The following PLG variants were observed in gnomAD, a reference collection of about 807,000 sequenced individuals.
PLG encodes the protein plasminogen, also known as plasmin.
In PLG, 41 loss-of-function variants were observed where a neutral mutation model predicts 104.4. The observed-to-expected ratio is 0.39, with a 90% CI of 0.31 to 0.51. The LOEUF (loss-of-function observed/expected upper bound fraction) is 0.51, where lower values mean the gene tolerates loss of function less well. PLG is among the 20% of genes least tolerant of loss of function. PLG has a pLI of 0.76. For missense variants in PLG, 891 were observed against 1,003.6 expected (o/e 0.89, Z 1.52); for synonymous variants, 337 against 357.1 (o/e 0.94, Z 0.63).
Position 160,731,011 on chromosome 6 carries a change from C to T in PLG, c.1257-40C>T. ...AGGGTGCTGGGTGCCCCTGAATATTCTCCCACCTCTTGTGACCTGTATTGT... is the reference window on the plus strand; with the variant it reads ...AGGGTGCTGGGTGCCCCTGAATATTTTCCCACCTCTTGTGACCTGTATTGT... On this transcript the variant is annotated intron_variant, in intron 10 of 18. Transcript: ENST00000308192. This position sits in a 1 kb window ranked among gnomAD's most constrained non-coding sequence, Gnocchi z 5.1. 1 of 1,600,782 alleles carries T rather than the reference C, an allele frequency of 6.2e-7. No individual in the cohort carries two copies.
At position 160,737,183 on chromosome 6, in the gene PLG, G is replaced by A. The variant is rs1778099277; in HGVS notation, c.1802+176G>A. Among the ~76,000 whole-genome samples, 1 of 152,000 alleles carries A rather than the reference G, an allele frequency of 6.6e-6. No individual in the cohort carries two copies. Among genetic ancestry groups the A allele is most frequent in the Admixed American group, 6.6e-5 (1 of 15,262 alleles). ...GTATATATACATATATATTTTTATAGGTTCTCTACTGTGAAAATGACAAAA... is the reference window on the plus strand; with the variant it reads ...GTATATATACATATATATTTTTATAAGTTCTCTACTGTGAAAATGACAAAA... On this transcript the variant is annotated intron_variant, in intron 14 of 18. Transcript: ENST00000308192. This position sits in a 1 kb window ranked among gnomAD's most constrained non-coding sequence, Gnocchi z 4.7.
intron 1 of PLG, chr6:160,705,246 AC>A (rs1358162708): frequency 7.1e-6 from 1 of 140,240 alleles, no homozygotes; most frequent in Non-Finnish European, 1.6e-5. Flanking sequence ...GAATAGAGCT[AC>A]CAAAGCTCAG....
chr6:160,751,194 A>G (rs1408823268), intron 17 of PLG, among the ~76,000 whole-genome samples: 2 of 152,220 alleles, frequency 1.3e-5, no homozygotes, highest in Non-Finnish European at 2.9e-5. Flanking sequence ...ATTTATGGGA[A>G]CTTAGACTCA....
At position 160,741,068 on chromosome 6, in the gene PLG, G is replaced by A. The variant is rs1039834177; in HGVS notation, c.2019-243G>A. Among the ~76,000 whole-genome samples, 4 of 152,212 alleles carry A rather than the reference G, an allele frequency of 2.6e-5. No individual in the cohort carries two copies. The highest frequency in any genetic ancestry group is 9.6e-5 in the African/African-American group (4 of 41,452). ...TGTCATCCCTACTTTCAAAGGTGAAGGCCACCAGCAGTATCTTGCATGCAA... is the reference window on the plus strand; with the variant it reads ...TGTCATCCCTACTTTCAAAGGTGAAAGCCACCAGCAGTATCTTGCATGCAA... On this transcript the variant is annotated intron_variant, in intron 16 of 18. Coordinates refer to ENST00000308192, the MANE Select transcript of PLG (RefSeq NM_000301.5). This position sits in a 1 kb window ranked among gnomAD's most constrained non-coding sequence, Gnocchi z 4.7.
intron 10 of PLG, among the ~76,000 whole-genome samples, chr6:160,729,572 C>T (rs936180280): frequency 2.6e-5 from 4 of 152,154 alleles, no homozygotes; most frequent in African/African-American, 4.8e-5. Flanking sequence ...GTGACTGATC[C>T]TCTCAAATAG....
chr6:160,731,416 C>T lies in PLG; in HGVS notation c.1438+184C>T, dbSNP rs80078115. Among the ~76,000 whole-genome samples, 2,259 of 152,280 alleles carry T rather than the reference C, an allele frequency of 0.015. 62 individuals carry two copies. In the Middle Eastern group the frequency reaches 0.18, roughly 12 times the overall value. On this transcript the variant is annotated intron_variant, in intron 11 of 18. Transcript: ENST00000308192. The surrounding 1 kb of genome is among the most constrained non-coding windows in gnomAD (Gnocchi z 5.1). Reference sequence around the variant, plus strand: ...GGCAGAGGTGTGACTTTTGGCACAACGTGAGTGGGCTGTGCCTTTAGGACA... The same window carrying T: ...GGCAGAGGTGTGACTTTTGGCACAATGTGAGTGGGCTGTGCCTTTAGGACA...
chr6:160,722,762 TC>T (rs963656260), intron 10 of PLG, among the ~76,000 whole-genome samples, 195 bp downstream of exon 10: 2 of 152,178 alleles, frequency 1.3e-5, no homozygotes, highest in African/African-American at 4.8e-5. Flanking sequence ...TGGCTATTTT[TC>T]CTGAGTAGTT....
intron 10 of PLG, among the ~76,000 whole-genome samples, chr6:160,729,376 CTGAA>C (rs758105909): frequency 2.6e-5 from 4 of 152,114 alleles, no homozygotes; most frequent in Non-Finnish European, 5.9e-5. Flanking sequence ...AATTCTATTC[CTGAA>C]TATTTACCCC....
At position 160,725,497 on chromosome 6, in the gene PLG, T is replaced by C. The variant is rs1243602647; in HGVS notation, c.1256+2930T>C. The stretch of plus-strand genomic sequence containing the variant: ...AGAGGAATAGATAATAATAAGAATG[T>C]TCCATTTATCCAAAAGAAGGAAAGA... On this transcript the variant is annotated intron_variant, in intron 10 of 18. Transcript: ENST00000308192. The surrounding 1 kb of genome is among the most constrained non-coding windows in gnomAD (Gnocchi z 6.3). 6.6e-6 allele frequency among the ~76,000 whole-genome samples: 1 copy of C among 152,048 alleles called. No homozygotes were observed. Among genetic ancestry groups the C allele is most frequent in the East Asian group, 1.9e-4 (1 of 5,172 alleles).
rs1034266602 is a variant in PLG at position 160,725,133 on chromosome 6, T to G, written c.1256+2566T>G. Among the ~76,000 whole-genome samples the G allele has an allele frequency of 1.3e-5, 2 of 152,066 alleles. No homozygotes were observed. Among genetic ancestry groups the G allele is most frequent in the South Asian group, 2.1e-4 (1 of 4,822 alleles). On this transcript the variant is annotated intron_variant, in intron 10 of 18. Coordinates refer to ENST00000308192, the MANE Select transcript of PLG (RefSeq NM_000301.5). This position sits in a 1 kb window ranked among gnomAD's most constrained non-coding sequence, Gnocchi z 6.3. ...AGGAGGCTGAGGCAGGAGAATCACT[T>G]GAACCCAGGAGGTGGAGGTTGCAGT... is the stretch of plus-strand genomic sequence containing the variant.
chr6:160,714,686 G>C (rs1468369306), intron 5 of PLG, 108 bp from the exon 6 acceptor site: 11 of 1,030,214 alleles, frequency 1.1e-5, no homozygotes, highest in Non-Finnish European at 1.6e-5. Flanking sequence ...ATCGGAATGA[G>C]AGGCAAGTCG....
Position 160,731,208 on chromosome 6 carries a change from G to C in PLG, c.1414G>C (p.Asp472His). Reference protein sequence around the residue: ...VAPPPVVLLPDVETPSEEDCM... With the variant: ...VAPPPVVLLPHVETPSEEDCM... Reference sequence around the variant, plus strand: ...ACCTCCGCCTGTTGTCCTGCTTCCAGATGTAGAGACTCCTTCCGAAGAAGG... The same window carrying C: ...ACCTCCGCCTGTTGTCCTGCTTCCACATGTAGAGACTCCTTCCGAAGAAGG... Residue 472 changes from aspartate to histidine, a missense_variant, in exon 11 of 19, where the codon GAT (aspartate) becomes CAT (histidine). By Grantham distance (81) the Asp-to-His change is moderately conservative (BLOSUM62 -1). Around this residue, in one of 2 missense-constraint regions of PLG, gnomAD observed 854 missense variants for 932.1 expected, o/e 0.92. Coordinates refer to ENST00000308192, the MANE Select transcript of PLG (RefSeq NM_000301.5). This position sits in a 1 kb window ranked among gnomAD's most constrained non-coding sequence, Gnocchi z 5.1. 6.2e-7 allele frequency: 1 copy of C among 1,613,908 alleles called. No individual in the cohort carries two copies. The highest frequency in any genetic ancestry group is 2.2e-5 in the East Asian group (1 of 44,884).
At position 160,713,131 on chromosome 6, in the gene PLG, G is replaced by A. The variant is rs371313942; in HGVS notation, c.547+6G>A. 1.2e-6 allele frequency: 2 copies of A among 1,607,970 alleles called. No homozygotes were observed. Among genetic ancestry groups the A allele is most frequent in the South Asian group, 1.1e-5 (1 of 90,904 alleles). On this transcript the variant is annotated splice_donor_region_variant and intron_variant, in intron 5 of 18. Coordinates refer to ENST00000308192, the MANE Select transcript of PLG (RefSeq NM_000301.5). ...CGACATTCTTGAGTGTGAAGGTCAG[G>A]AGTGGTTCTAGAAAATGTTTTCATT...
intron 10 of PLG, among the ~76,000 whole-genome samples, chr6:160,729,333 T>C (rs1358387020): frequency 6.6e-6 from 1 of 152,156 alleles, no homozygotes; most frequent in Non-Finnish European, 1.5e-5. Context: ...TTCCATAAAG[T>C]TAAATAACTA....
intron 7 of PLG, 149 bp from the exon 8 acceptor site, chr6:160,718,145 G>C: frequency 2.9e-6 from 2 of 692,308 alleles, no homozygotes; most frequent in South Asian, 1.5e-5. Context: ...TGAGCTACTC[G>C]GGAGGCTGAG....
chr6:160,733,264 T>C (rs1248026177), intron 12 of PLG, among the ~76,000 whole-genome samples: 1 of 152,184 alleles, frequency 6.6e-6, no homozygotes, highest in Non-Finnish European at 1.5e-5. Flanking sequence ...TGGAAATAAA[T>C]GTTTCTGAAT....
In PLG at chr6:160,753,042, G is replaced by A. The variant is rs767955927; in HGVS notation, c.2414G>A (p.Gly805Glu). Residue 805 changes from glycine (G) to glutamate (E), a missense_variant, in exon 19 of 19, where the codon GGA becomes GAA. Physicochemically the swap from Gly to Glu is moderately conservative, Grantham distance 98. Around this residue, in one of 2 missense-constraint regions of PLG, gnomAD observed 37 missense variants for 71.5 expected, o/e 0.52. Coordinates refer to ENST00000308192, the MANE Select transcript of PLG (RefSeq NM_000301.5). The surrounding 1 kb of genome is among the most constrained non-coding windows in gnomAD (Gnocchi z 5.4). ...TCAAGGTTTGTTACTTGGATTGAGG[G>A]AGTGATGAGAAATAATTAATTGGAC... The part of the protein sequence containing the change: ...RVSRFVTWIE[G>E]VMRNN 101 of 1,589,014 alleles carry A rather than the reference G, an allele frequency of 6.4e-5. No homozygotes were observed. The East Asian group carries it at 2.1e-3, about 33-fold the overall frequency.
At position 160,741,737 on chromosome 6, in the gene PLG, A is replaced by G. The variant is rs532149709; in HGVS notation, c.2125+320A>G. On this transcript the variant is annotated intron_variant, in intron 17 of 18. Transcript: ENST00000308192. This position sits in a 1 kb window ranked among gnomAD's most constrained non-coding sequence, Gnocchi z 4.7. ...TTGTATATGTAAACAGTGGTTTGTCATGCAGATTATTTTGTCACCTAGGTA... is the reference window on the plus strand; with the variant it reads ...TTGTATATGTAAACAGTGGTTTGTCGTGCAGATTATTTTGTCACCTAGGTA... 1.1e-4 allele frequency among the ~76,000 whole-genome samples: 16 copies of G among 152,232 alleles called. No homozygotes were observed. In the South Asian group the frequency reaches 3.3e-3, roughly 32 times the overall value.
rs898329911 is a variant in PLG at position 160,750,602 on chromosome 6, C to A, written c.2126-1513C>A. Reference sequence around the variant, plus strand: ...GAGGAGCTTCCTCCCTGCAGCTCTGCCCAGATAGGGCTGAGCTGGGCTCTG... The same window carrying A: ...GAGGAGCTTCCTCCCTGCAGCTCTGACCAGATAGGGCTGAGCTGGGCTCTG... On this transcript the variant is annotated intron_variant, in intron 17 of 18. Transcript: ENST00000308192. Among the ~76,000 whole-genome samples the A allele has an allele frequency of 2.6e-5, 4 of 152,336 alleles. No individual in the cohort carries two copies. The South Asian group carries it at 8.3e-4, about 32-fold the overall frequency.
Sources: gnomAD v4.1 joint callset for allele counts (sites outside exome capture counted in the v4.1 genomes callset) on GRCh38, gnomAD v4.1.1 for gene constraint, gnomAD v4.1.1 regional missense constraint, Gnocchi (gnomAD v3.1) non-coding constraint, MANE v1.5 for transcripts, NCBI Gene and HGNC (gene_info 2026-07-23, HGNC 2026-07-21) for gene names.